Variants in ZSCAN5A observed in about 807,000 individuals in gnomAD.
The protein encoded by ZSCAN5A is zinc finger and SCAN domain containing 5A.
A neutral mutation model predicts 23.7 loss-of-function variants in ZSCAN5A; 12 were observed. That is an observed-to-expected ratio of 0.51 (90% CI 0.32 to 0.82). The LOEUF (loss-of-function observed/expected upper bound fraction) is 0.82, where lower values mean the gene tolerates loss of function less well. Among genes scored for constraint, ZSCAN5A ranks in the 40% least tolerant of loss-of-function variants. The pLI, the probability that ZSCAN5A is intolerant of heterozygous loss-of-function variation, is 0.03. For missense variants in ZSCAN5A, 597 were observed against 617.9 expected (o/e 0.97, Z 0.36); for synonymous variants, 257 against 239.9 (o/e 1.07, Z -0.66).
At chr19:56,275,488 C>T (rs994896878) in intron 2 of ZSCAN5A, among the ~76,000 whole-genome samples, 17 of 152,074 alleles carry the variant, frequency 1.1e-4, no homozygotes, top group African/African-American at 3.6e-4. Context: ...CCCAGCACTT[C>T]GGGAGGCCAA....
intron 2 of ZSCAN5A, among the ~76,000 whole-genome samples, chr19:56,332,137 T>G (rs1473549732): frequency 6.6e-6 from 1 of 152,188 alleles, no homozygotes; most frequent in Non-Finnish European, 1.5e-5. Flanking sequence ...GAATGTGCAC[T>G]CTGTAGTTGT....
chr19:56,292,780 A>C (rs181480531), intron 2 of ZSCAN5A, among the ~76,000 whole-genome samples: 1 of 152,290 alleles, frequency 6.6e-6, no homozygotes, highest in African/African-American at 2.4e-5. Context: ...TGCAAGTTTG[A>C]GGATTCTAGG....
intron 1 of ZSCAN5A, chr19:56,366,007 T>G (rs955311298): frequency 2.6e-5 from 4 of 152,220 alleles, no homozygotes; most frequent in Non-Finnish European, 5.9e-5. Context: ...TTCTGTTCAA[T>G]GCTCAGGAGA....
At chr19:56,278,290 T>C (rs903075786) in intron 2 of ZSCAN5A, among the ~76,000 whole-genome samples, 2 of 152,194 alleles carry the variant, frequency 1.3e-5, no homozygotes, top group Admixed American at 6.5e-5. Context: ...CATGCCACCA[T>C]GCCTGGCTAA....
Position 56,221,855 on chromosome 19 carries a change from C to G in ZSCAN5A, c.1211G>C (p.Arg404Pro). 6.2e-7 allele frequency: 1 copy of G among 1,614,072 alleles called. No individual in the cohort carries two copies. Among genetic ancestry groups the G allele is most frequent in the South Asian group, 1.1e-5 (1 of 91,072 alleles). ...GTAGGGCCTCTCGCCAGTGTGGGTT[C>G]GCTGGTGAAATTGGAGGCTAATAAG... ...MQLISLQFHQRTHTGERPYTC... is the reference protein window; with the variant it reads ...MQLISLQFHQPTHTGERPYTC... Residue 404 changes from arginine to proline, a missense_variant, in exon 6 of 6, where the codon CGA becomes CCA. This residue lies in a region of ZSCAN5A where 406 missense variants were observed against 353.2 expected (regional missense o/e 1.15). Transcript: ENST00000683990.
intron 2 of ZSCAN5A, among the ~76,000 whole-genome samples, chr19:56,230,615 A>G (rs1393348845): frequency 6.8e-6 from 1 of 147,688 alleles, no homozygotes; most frequent in African/African-American, 2.5e-5. Context: ...TTATTTCTTG[A>G]TGTGTGTGTG....
intron 2 of ZSCAN5A, chr19:56,302,119 G>A: frequency 1.6e-6 from 2 of 1,230,468 alleles, no homozygotes; most frequent in Non-Finnish European, 2.0e-6. Context: ...AGCACGGAGG[G>A]GAGGAGTGTG....
intron 2 of ZSCAN5A, among the ~76,000 whole-genome samples, chr19:56,337,774 C>A (rs1211691638): frequency 6.6e-6 from 1 of 152,218 alleles, no homozygotes; most frequent in Non-Finnish European, 1.5e-5. Context: ...TTTTACTTAA[C>A]AATGCCTCCT....
At chr19:56,322,314 C>A in intron 2 of ZSCAN5A, 1 of 927,954 alleles carries the variant, frequency 1.1e-6, no homozygotes, top group South Asian at 1.3e-5. Flanking sequence ...AAGGCCATTT[C>A]TTAGCCTGAG....
intron 2 of ZSCAN5A, among the ~76,000 whole-genome samples, chr19:56,239,897 C>CTCACGCCTGTAATCT (rs2035276803): frequency 6.6e-6 from 1 of 152,120 alleles, no homozygotes; most frequent in East Asian, 1.9e-4. Flanking sequence ...GGTGTGGTGG[C>CTCACGCCTGTAATCT]TCACGCCTGT....
chr19:56,294,211 A>G (rs1194151196), intron 2 of ZSCAN5A, among the ~76,000 whole-genome samples: 1 of 151,970 alleles, frequency 6.6e-6, no homozygotes, highest in Non-Finnish European at 1.5e-5. Flanking sequence ...AATCCCAAAC[A>G]CCTGCCTAAG....
intron 2 of ZSCAN5A, chr19:56,285,040 G>A: frequency 1.0e-6 from 1 of 984,626 alleles, no homozygotes. Context: ...TGTCAGGATT[G>A]TATCTTTTAA....
intron 2 of ZSCAN5A, chr19:56,342,903 GA>G: frequency 9.7e-7 from 1 of 1,033,102 alleles, no homozygotes; most frequent in Non-Finnish European, 1.5e-6. Flanking sequence ...TCCCCATCCT[GA>G]GGCACCTCAG....
chr19:56,234,729 G>A (rs898848294), intron 2 of ZSCAN5A, among the ~76,000 whole-genome samples: 9 of 152,144 alleles, frequency 5.9e-5, no homozygotes, highest in African/African-American at 1.9e-4. Flanking sequence ...CGTACCCCTT[G>A]CTTGCTCAAA....
At chr19:56,337,885 G>A (rs1183063760) in intron 2 of ZSCAN5A, among the ~76,000 whole-genome samples, 1 of 152,206 alleles carries the variant, frequency 6.6e-6, no homozygotes, top group Non-Finnish European at 1.5e-5. Flanking sequence ...AGTGATTACA[G>A]ATTTGTAAGT....
intron 2 of ZSCAN5A, among the ~76,000 whole-genome samples, chr19:56,262,295 A>C (rs2037177266): frequency 1.3e-5 from 2 of 152,170 alleles, no homozygotes; most frequent in Admixed American, 6.5e-5. Flanking sequence ...CTAGGATTAC[A>C]GGCATGAGCC....
chr19:56,364,686 A>C (rs923684043), intron 1 of ZSCAN5A, among the ~76,000 whole-genome samples: 2 of 152,266 alleles, frequency 1.3e-5, no homozygotes, highest in African/African-American at 4.8e-5. Flanking sequence ...CTGGATGTCC[A>C]TTAATGAGTG....
intron 2 of ZSCAN5A, among the ~76,000 whole-genome samples, chr19:56,237,865 T>A (rs529199286): frequency 6.8e-6 from 1 of 146,660 alleles, no homozygotes; most frequent in Non-Finnish European, 1.5e-5. Flanking sequence ...TGCAGTGACC[T>A]GAGATTGTGC....
intron 2 of ZSCAN5A, among the ~76,000 whole-genome samples, chr19:56,281,474 G>A (rs983488185): frequency 6.6e-6 from 1 of 152,170 alleles, no homozygotes; most frequent in African/African-American, 2.4e-5. Context: ...TGCTATCGCT[G>A]TATTGATCTT....
Sources: allele counts gnomAD v4.1 joint callset (sites outside exome capture counted in the v4.1 genomes callset), GRCh38; gene constraint gnomAD v4.1.1; regional missense constraint gnomAD v4.1.1; transcripts MANE v1.5; gene names NCBI Gene and HGNC (gene_info 2026-07-23, HGNC 2026-07-21).